Variants in CAPN7 observed in about 807,000 individuals in gnomAD.
The protein encoded by CAPN7 is calpain 7.
Under a neutral mutation model 115.2 loss-of-function variants are expected in CAPN7, and 72 were observed. That is an observed-to-expected ratio of 0.63 (90% CI 0.52 to 0.76). The LOEUF is 0.76. Ranked by LOEUF, CAPN7 falls within the 30% of genes least tolerant of loss-of-function variation. The pLI is 0.00. For missense variants in CAPN7, 905 were observed against 971.5 expected (o/e 0.93, Z 0.91); for synonymous variants, 344 against 322.3 (o/e 1.07, Z -0.72).
intron 7 of CAPN7, among the ~76,000 whole-genome samples, chr3:15,228,310 T>C (rs951394659): frequency 6.6e-6 from 1 of 152,240 alleles, no homozygotes; most frequent in African/African-American, 2.4e-5. Context: ...TTTTTTGAAA[T>C]ACATTATTTA....
At chr3:15,211,827 T>TTGAGC (rs1273784725) in intron 1 of CAPN7, among the ~76,000 whole-genome samples, 2 of 151,934 alleles carry the variant, frequency 1.3e-5, no homozygotes, top group African/African-American at 4.8e-5. Context: ...CCTGGGGAGG[T>TTGAGC]TGAGCTGAGC....
intron 18 of CAPN7, 90 bp from the exon 19 acceptor site, chr3:15,247,237 T>TA (rs1695717829): frequency 1.9e-5 from 13 of 672,004 alleles, no homozygotes; most frequent in African/African-American, 1.9e-4. Flanking sequence ...AAAATTGCCT[T>TA]TTTTTTTTTT....
chr3:15,206,248 G>A lies in CAPN7; in HGVS notation c.-248G>A. On this transcript the variant is annotated 5_prime_UTR_variant, in exon 1 of 21. Coordinates refer to ENST00000253693, the MANE Select transcript of CAPN7 (RefSeq NM_014296.3). ...GTCGGGCGGCTGGTGGGCGGGGCGA[G>A]GGCCGCTGGGGCCGCGAAGTGGGGC... The A allele has an allele frequency of 2.7e-6, 1 of 375,124 alleles. No individual in the cohort carries two copies. 23.2% of individuals were successfully genotyped at this position (375,124 alleles called of 1,614,324 possible).
At chr3:15,234,350 ACAT>A (rs1694866388) in intron 11 of CAPN7, among the ~76,000 whole-genome samples, 1 of 152,106 alleles carries the variant, frequency 6.6e-6, no homozygotes, top group African/African-American at 2.4e-5. Context: ...AAAAATAAAA[ACAT>A]CATGCCTGAT....
At position 15,210,596 on chromosome 3, in the gene CAPN7, CTTTT is replaced by C. The variant is rs371169868; in HGVS notation, c.103-1494_103-1491del. Reference sequence around the variant, plus strand: ...TTTTCATTCCTTCCTTGCTTCCTTCCTTTTTTTTTTTTTTTTTGGACAGTATCTT... The same window carrying C: ...TTTTCATTCCTTCCTTGCTTCCTTCCTTTTTTTTTTTTTGGACAGTATCTT... On this transcript the variant is annotated intron_variant, in intron 1 of 20. Coordinates refer to ENST00000253693, the MANE Select transcript of CAPN7 (RefSeq NM_014296.3). 4.8e-5 allele frequency among the ~76,000 whole-genome samples: 5 copies of C among 104,416 alleles called. 1 individual carries two copies. Among genetic ancestry groups the C allele is most frequent in the African/African-American group, 2.4e-4 (4 of 16,480 alleles). The allele number at this position is 104,416 out of a possible 152,430, so 68.5% of individuals were successfully genotyped here.
At chr3:15,228,174 G>T (rs1694441841) in intron 7 of CAPN7, among the ~76,000 whole-genome samples, 1 of 151,978 alleles carries the variant, frequency 6.6e-6, no homozygotes, top group Admixed American at 6.6e-5. Context: ...ATTTTTATGT[G>T]GGCCCTGTTT....
Position 15,242,116 on chromosome 3 carries a change from A to G in CAPN7, c.1789-62A>G, listed in dbSNP as rs73140148. 0.012 allele frequency: 13,385 copies of G among 1,086,540 alleles called. 1,164 individuals are homozygous for G. The African/African-American group carries it at 0.18, about 15-fold the overall frequency. The allele number at this position is 1,086,540 out of a possible 1,614,324, so 67.3% of individuals were successfully genotyped here. A position where few individuals can be genotyped will look rare whatever the true frequency, so the allele number is the denominator to read the frequency against. ...AGAGCATTTTTTTGGAGAGATTTAA[A>G]AAGAAAATAAATAGCATTTTGAACC... is the stretch of plus-strand genomic sequence containing the variant. On this transcript the variant is annotated intron_variant, in intron 15 of 20. Transcript: ENST00000253693.
chr3:15,234,652 A>G (rs983317113), intron 11 of CAPN7, among the ~76,000 whole-genome samples: 4 of 152,218 alleles, frequency 2.6e-5, no homozygotes, highest in African/African-American at 9.6e-5. Flanking sequence ...AAGTTTGTCT[A>G]AACAGTGATA....
intron 2 of CAPN7, 110 bp from the exon 3 acceptor site, chr3:15,217,315 A>T: frequency 1.0e-6 from 1 of 953,688 alleles, no homozygotes; most frequent in Non-Finnish European, 1.5e-6. Context: ...TAAGTTTTTT[A>T]AATGAAGAAT....
At chr3:15,244,542 C>T (rs894554552) in intron 16 of CAPN7, among the ~76,000 whole-genome samples, 6 of 152,156 alleles carry the variant, frequency 3.9e-5, no homozygotes, top group African/African-American at 1.4e-4. Context: ...CCACACCACC[C>T]CTAATCATTA....
At chr3:15,228,649 G>A (rs1356439850) in intron 7 of CAPN7, among the ~76,000 whole-genome samples, 1 of 152,214 alleles carries the variant, frequency 6.6e-6, no homozygotes, top group African/African-American at 2.4e-5. Flanking sequence ...ATAAGTGGGA[G>A]CTAAATGATG....
chr3:15,219,730 T>C (rs1047256897), intron 4 of CAPN7, among the ~76,000 whole-genome samples: 1 of 152,358 alleles, frequency 6.6e-6, no homozygotes, highest in East Asian at 1.9e-4. Flanking sequence ...GAAGCTCATA[T>C]ATGCACCTCA....
At chr3:15,244,169 T>C (rs1012048318) in intron 16 of CAPN7, among the ~76,000 whole-genome samples, 24 of 152,202 alleles carry the variant, frequency 1.6e-4, no homozygotes, top group Non-Finnish European at 2.9e-5. Context: ...AGTCTTACTT[T>C]GTTTAATCAT....
At chr3:15,244,145 T>A (rs1695520101) in intron 16 of CAPN7, among the ~76,000 whole-genome samples, 1 of 152,164 alleles carries the variant, frequency 6.6e-6, no homozygotes, top group Non-Finnish European at 1.5e-5. Context: ...GAAGATGTGA[T>A]CAGAAGTGGT....
chr3:15,232,279 CATTT>C (rs1694737964), intron 9 of CAPN7: 2 of 376,114 alleles, frequency 5.3e-6, no homozygotes, highest in Non-Finnish European at 9.6e-6. Context: ...AGTTACATGA[CATTT>C]AATCAATTGA....
chr3:15,252,368 CAG>C lies in CAPN7; in HGVS notation c.*1110_*1111del, dbSNP rs1696040045. ...CTGTCGTGTTTCATGTAAATGAGAA[CAG>C]ATTATTTGCATGAAAATATATACTT... On this transcript the variant is annotated 3_prime_UTR_variant, in exon 21 of 21. Coordinates refer to ENST00000253693, the MANE Select transcript of CAPN7 (RefSeq NM_014296.3). The C allele has an allele frequency of 6.6e-6, 1 of 152,534 alleles. No homozygotes were observed. Among genetic ancestry groups the C allele is most frequent in the Non-Finnish European group, 1.5e-5 (1 of 67,994 alleles). The allele number at this position is 152,534 out of a possible 1,614,324, so 9.4% of individuals were successfully genotyped here.
chr3:15,224,060 A>C (rs544869532), intron 6 of CAPN7, among the ~76,000 whole-genome samples: 1 of 152,240 alleles, frequency 6.6e-6, no homozygotes, highest in African/African-American at 2.4e-5. Context: ...AAGGAAATCA[A>C]CAGTCAAAGA....
chr3:15,213,086 G>T (rs1203416384), intron 2 of CAPN7, among the ~76,000 whole-genome samples: 2 of 152,136 alleles, frequency 1.3e-5, no homozygotes, highest in Non-Finnish European at 2.9e-5. Context: ...TGTGTTATTG[G>T]AACCTCACTT....
chr3:15,231,150 C>G (rs1205147812), intron 9 of CAPN7, among the ~76,000 whole-genome samples: 1 of 152,170 alleles, frequency 6.6e-6, no homozygotes, highest in East Asian at 1.9e-4. Context: ...TCACCTAGAT[C>G]CCCTGTGATC....
Sources: allele counts gnomAD v4.1 joint callset (sites outside exome capture counted in the v4.1 genomes callset), GRCh38; gene constraint gnomAD v4.1.1; transcripts MANE v1.5; gene names NCBI Gene and HGNC (gene_info 2026-07-23, HGNC 2026-07-21).